Variants in FILIP1 observed in about 807,000 individuals in gnomAD.
FILIP1 encodes filamin A interacting protein 1.
A neutral mutation model predicts 102.1 loss-of-function variants in FILIP1; 61 were observed. The observed-to-expected ratio is 0.60, with a 90% CI of 0.49 to 0.74. FILIP1 has a LOEUF of 0.74. Ranked by LOEUF, FILIP1 falls within the 30% of genes least tolerant of loss-of-function variation. The pLI is 0.00. For missense variants in FILIP1, 1,314 were observed against 1,441.2 expected, an observed-to-expected ratio of 0.91 and a Z score of 1.43; for synonymous variants, 491 against 526.9, an observed-to-expected ratio of 0.93 and a Z score of 0.93.
intron 1 of FILIP1, among the ~76,000 whole-genome samples, chr6:75,489,890 C>G (rs1310167516): frequency 6.6e-6 from 1 of 151,618 alleles, no homozygotes; most frequent in Admixed American, 6.6e-5. Flanking sequence ...AAATTGTTAC[C>G]AATCTTTTTT....
At chr6:75,438,251 T>C (rs1228279448) in intron 1 of FILIP1, among the ~76,000 whole-genome samples, 4 of 152,196 alleles carry the variant, frequency 2.6e-5, no homozygotes, top group Non-Finnish European at 1.5e-5. Context: ...AGTACTATGA[T>C]TTTTGTCATT....
intron 2 of FILIP1, chr6:75,385,764 C>A (rs1208728022): frequency 6.6e-6 from 1 of 151,804 alleles, no homozygotes; most frequent in Non-Finnish European, 1.5e-5. Context: ...TTCCAATAAC[C>A]AATCTTCACT....
At chr6:75,320,173 C>G (rs191767640) in intron 4 of FILIP1, among the ~76,000 whole-genome samples, 1 of 152,138 alleles carries the variant, frequency 6.6e-6, no homozygotes, top group African/African-American at 2.4e-5. Flanking sequence ...TGCCCCCTTG[C>G]GTAATGCCTG....
chr6:75,467,206 CT>C (rs1779194512), intron 1 of FILIP1, among the ~76,000 whole-genome samples: 1 of 152,100 alleles, frequency 6.6e-6, no homozygotes, highest in Non-Finnish European at 1.5e-5. Context: ...ATTTCTTTTA[CT>C]TTTTTTACTT....
chr6:75,485,516 C>T (rs1364207897), intron 1 of FILIP1, among the ~76,000 whole-genome samples: 1 of 152,180 alleles, frequency 6.6e-6, no homozygotes, highest in Non-Finnish European at 1.5e-5. Context: ...ATCCCACTAC[C>T]TGGGATATGT....
intron 4 of FILIP1, among the ~76,000 whole-genome samples, chr6:75,329,874 T>C (rs1225506004): frequency 1.3e-5 from 2 of 152,208 alleles, no homozygotes; most frequent in Non-Finnish European, 2.9e-5. Context: ...CACATCAGGG[T>C]ACATGAGGTA....
intron 3 of FILIP1, among the ~76,000 whole-genome samples, chr6:75,355,729 A>G (rs1481339824): frequency 2.0e-5 from 3 of 152,124 alleles, no homozygotes; most frequent in Non-Finnish European, 2.9e-5. Flanking sequence ...TTTTAAAGAG[A>G]TCATGCCTTG....
At chr6:75,443,556 G>A (rs897675990) in intron 1 of FILIP1, among the ~76,000 whole-genome samples, 7 of 152,098 alleles carry the variant, frequency 4.6e-5, no homozygotes, top group Non-Finnish European at 1.0e-4. Flanking sequence ...CTCATTGGAG[G>A]TTGCAAACTG....
chr6:75,335,799 G>A (rs1774222726), intron 4 of FILIP1, among the ~76,000 whole-genome samples: 1 of 152,060 alleles, frequency 6.6e-6, no homozygotes, highest in Non-Finnish European at 1.5e-5. Context: ...AAGCCATTAT[G>A]TTATGGCATA....
At chr6:75,467,334 C>T (rs557783144) in intron 1 of FILIP1, among the ~76,000 whole-genome samples, 11 of 152,148 alleles carry the variant, frequency 7.2e-5, no homozygotes, top group African/African-American at 1.2e-4. Flanking sequence ...TCATACATAA[C>T]GTAATTTAAA....
chr6:75,398,612 TAA>T (rs1562546369), intron 2 of FILIP1, among the ~76,000 whole-genome samples: 1 of 151,994 alleles, frequency 6.6e-6, no homozygotes, highest in Non-Finnish European at 1.5e-5. Context: ...GAGAAGAGAA[TAA>T]AAAAGAGGTT....
At chr6:75,442,154 T>C (rs1778282567) in intron 1 of FILIP1, among the ~76,000 whole-genome samples, 1 of 144,398 alleles carries the variant, frequency 6.9e-6, no homozygotes, top group Non-Finnish European at 1.5e-5. Context: ...GCTCAGACAA[T>C]GGGTGGCCGG....
At chr6:75,386,656 C>T (rs185062432) in intron 2 of FILIP1, among the ~76,000 whole-genome samples, 26 of 152,260 alleles carry the variant, frequency 1.7e-4, no homozygotes, top group Admixed American at 1.4e-3. Flanking sequence ...GGTGTCTGGG[C>T]GTTGCTTTTC....
chr6:75,364,100 A>G (rs902242803), intron 2 of FILIP1, among the ~76,000 whole-genome samples: 2 of 152,212 alleles, frequency 1.3e-5, no homozygotes, highest in African/African-American at 2.4e-5. Context: ...ATAATTCATT[A>G]CTGAGATGTC....
chr6:75,421,453 T>C (rs1184135807), intron 1 of FILIP1, among the ~76,000 whole-genome samples: 1 of 152,112 alleles, frequency 6.6e-6, no homozygotes, highest in Non-Finnish European at 1.5e-5. Context: ...GTTTAGGAAA[T>C]ACTCATGAGA....
intron 1 of FILIP1, among the ~76,000 whole-genome samples, chr6:75,480,150 T>C (rs564910029): frequency 6.7e-6 from 1 of 148,996 alleles, no homozygotes; most frequent in East Asian, 1.9e-4. Context: ...CTAGTGCATA[T>C]TTTAGTGTAA....
chr6:75,351,076 T>C (rs984827948), intron 4 of FILIP1, among the ~76,000 whole-genome samples: 2 of 152,200 alleles, frequency 1.3e-5, no homozygotes, highest in Non-Finnish European at 2.9e-5. Context: ...GAGTACTTTT[T>C]TTTTTTGGAG....
At chr6:75,433,012 CT>C (rs1416470803) in intron 1 of FILIP1, among the ~76,000 whole-genome samples, 5 of 152,082 alleles carry the variant, frequency 3.3e-5, no homozygotes, top group South Asian at 2.1e-4. Flanking sequence ...TGAGCTCATC[CT>C]TTTTTATGGC....
At chr6:75,374,567 CAG>C (rs1431299952) in intron 2 of FILIP1, among the ~76,000 whole-genome samples, 5 of 152,114 alleles carry the variant, frequency 3.3e-5, no homozygotes, top group Non-Finnish European at 5.9e-5. Flanking sequence ...TTAGTAGAGA[CAG>C]GGTTTCACCA....
Sources: gnomAD v4.1 joint callset for allele counts (sites outside exome capture counted in the v4.1 genomes callset) on GRCh38, gnomAD v4.1.1 for gene constraint, MANE v1.5 for transcripts, NCBI Gene and HGNC (gene_info 2026-07-23, HGNC 2026-07-21) for gene names.